The following CATSPERT variants were observed in gnomAD, a reference collection of about 807,000 sequenced individuals.
The protein encoded by CATSPERT is catsper channel auxiliary subunit tau.
chr2:201,493,864 T>C, the CATSPERT span: 1 of 1,536,824 alleles, frequency 6.5e-7, no homozygotes, highest in African/African-American at 1.4e-5. Flanking sequence ...CTCATCAGCT[T>C]CGAAGTGTTT....
the CATSPERT span, chr2:201,493,557 C>T: frequency 2.0e-6 from 3 of 1,536,970 alleles, no homozygotes; most frequent in Non-Finnish European, 2.6e-6. Context: ...CTTGTATTAT[C>T]TGGCTTGTAG....
chr2:201,500,243 A>G, the CATSPERT span, among the ~76,000 whole-genome samples: 2 of 152,074 alleles, frequency 1.3e-5, no homozygotes, highest in Admixed American at 6.5e-5. Context: ...AGTCAGGTGC[A>G]GTGGCTCACA....
chr2:201,592,949 C>G, the CATSPERT span, among the ~76,000 whole-genome samples: 1 of 152,114 alleles, frequency 6.6e-6, no homozygotes, highest in South Asian at 2.1e-4. Context: ...GATTCATTAA[C>G]TTTTTGAAAG....
At chr2:201,490,580 T>G in the CATSPERT span, among the ~76,000 whole-genome samples, 6 of 152,206 alleles carry the variant, frequency 3.9e-5, no homozygotes, top group Admixed American at 3.9e-4. Context: ...GGGCACCTTT[T>G]TCTAATTCAT....
At chr2:201,581,825 C>G in the CATSPERT span, among the ~76,000 whole-genome samples, 8 of 151,468 alleles carry the variant, frequency 5.3e-5, no homozygotes, top group African/African-American at 1.9e-4. Flanking sequence ...TCAGGCTGGT[C>G]TCGAACTCCC....
At chr2:201,592,883 T>G in the CATSPERT span, among the ~76,000 whole-genome samples, 6 of 152,184 alleles carry the variant, frequency 3.9e-5, no homozygotes, top group Non-Finnish European at 2.9e-5. Context: ...TTTTTCTTTA[T>G]TAGTCTTGCT....
the CATSPERT span, among the ~76,000 whole-genome samples, chr2:201,606,260 T>C: frequency 1.3e-5 from 2 of 152,218 alleles, no homozygotes; most frequent in African/African-American, 4.8e-5. Context: ...AGTAAGATTA[T>C]TAGGCTTTAT....
the CATSPERT span, among the ~76,000 whole-genome samples, chr2:201,498,962 G>T: frequency 6.6e-6 from 1 of 150,508 alleles, no homozygotes; most frequent in East Asian, 1.9e-4. Flanking sequence ...AAGGGGATTT[G>T]AAAAAAAGGA....
the CATSPERT span, among the ~76,000 whole-genome samples, chr2:201,494,941 T>C: frequency 6.6e-6 from 1 of 152,152 alleles, no homozygotes; most frequent in South Asian, 2.1e-4. Flanking sequence ...AAAATTTTAA[T>C]GGAAAAATTT....
At chr2:201,562,355 T>C in the CATSPERT span, among the ~76,000 whole-genome samples, 3 of 151,362 alleles carry the variant, frequency 2.0e-5, no homozygotes, top group East Asian at 5.8e-4. Context: ...GCCCGGCTAA[T>C]TTTTTGTATT....
At chr2:201,617,895 A>C in the CATSPERT span, among the ~76,000 whole-genome samples, 2 of 152,234 alleles carry the variant, frequency 1.3e-5, no homozygotes, top group South Asian at 2.1e-4. Context: ...AAAAGTGGGC[A>C]AAGTATATGA....
the CATSPERT span, chr2:201,493,848 ATC>A: frequency 6.5e-7 from 1 of 1,535,818 alleles, no homozygotes; most frequent in African/African-American, 1.4e-5. Context: ...TAATTGGAAA[ATC>A]TCTCTCATCA....
the CATSPERT span, chr2:201,493,130 A>G: frequency 6.5e-7 from 1 of 1,526,904 alleles, no homozygotes; most frequent in Non-Finnish European, 8.8e-7. Context: ...TTTTTTAAAA[A>G]GGATTTTAAC....
chr2:201,533,029 C>A, the CATSPERT span, among the ~76,000 whole-genome samples: 52 of 152,242 alleles, frequency 3.4e-4, 1 homozygote, highest in East Asian at 6.2e-3. Context: ...CAGACAAGGG[C>A]ACTTCTAAAT....
the CATSPERT span, among the ~76,000 whole-genome samples, chr2:201,512,447 C>T: frequency 6.6e-6 from 1 of 152,146 alleles, no homozygotes; most frequent in African/African-American, 2.4e-5. Flanking sequence ...CTTCCTGCCC[C>T]CATCCCCTAT....
chr2:201,487,568 T>A, the CATSPERT span: 6 of 1,538,724 alleles, frequency 3.9e-6, no homozygotes, highest in Non-Finnish European at 3.6e-6. Context: ...CATATCATTC[T>A]GAGTTAAACA....
chr2:201,491,048 G>A, the CATSPERT span: 1 of 833,814 alleles, frequency 1.2e-6, no homozygotes, highest in East Asian at 2.7e-5. Context: ...TAAATTGGAG[G>A]TCTGTATGTC....
At chr2:201,614,177 G>T in the CATSPERT span, among the ~76,000 whole-genome samples, 2 of 152,148 alleles carry the variant, frequency 1.3e-5, no homozygotes, top group Non-Finnish European at 2.9e-5. Context: ...TAGCGAGGCA[G>T]GCCAACATTC....
chr2:201,592,704 T>A, the CATSPERT span, among the ~76,000 whole-genome samples: 1 of 152,148 alleles, frequency 6.6e-6, no homozygotes, highest in Non-Finnish European at 1.5e-5. Context: ...CCTGGTTTAG[T>A]CTTGGGAGAG....
Sources: gnomAD v4.1 joint callset for allele counts (sites outside exome capture counted in the v4.1 genomes callset) on GRCh38, gnomAD v4.1.1 for gene constraint, MANE v1.5 for transcripts, NCBI Gene and HGNC (gene_info 2026-07-23, HGNC 2026-07-21) for gene names.